DOP1A: variants seen among roughly 807,000 people sequenced by gnomAD.
DOP1A encodes the protein DOP1 leucine zipper like protein A.
In DOP1A, 90 loss-of-function variants were observed where a neutral mutation model predicts 267.6. The ratio of observed to expected loss-of-function variants is 0.34; its 90% CI spans 0.28 to 0.40. The LOEUF (loss-of-function observed/expected upper bound fraction) is 0.40. DOP1A is among the 10% of genes least tolerant of loss of function. DOP1A has a pLI of 1.00. For missense variants in DOP1A, 2,437 were observed against 2,900.4 expected (o/e 0.84, Z 3.67); for synonymous variants, 932 against 999.1 (o/e 0.93, Z 1.27).
chr6:83,168,954 C>A, downstream of DOP1A: 1 of 1,151,446 alleles, frequency 8.7e-7, no homozygotes, highest in Non-Finnish European at 1.1e-6. Flanking sequence ...GAATTGTTCC[C>A]CACATAAAAC....
rs751190606 is a variant in DOP1A at position 83,130,388 on chromosome 6, A to G, written c.2607A>G (p.Glu869=). 2 of 1,611,382 alleles carry G rather than the reference A, an allele frequency of 1.2e-6. No individual in the cohort carries two copies. The highest frequency in any genetic ancestry group is 1.7e-6 in the Non-Finnish European group (2 of 1,178,844). The change falls in exon 17 of 39, where the codon GAA becomes GAG. Residue 869 remains glutamate (E), a synonymous_variant. Coordinates refer to ENST00000349129, the MANE Select transcript of DOP1A (RefSeq NM_015018.4). ...GNLRYIAEKT[E]FFKHVALTLW... ...TGAGGTACATAGCTGAGAAGACTGA[A>G]TTTTTCAAGGTAAATTCTAAGAAAT...
chr6:83,168,320 CT>C lies in DOP1A; in HGVS notation c.*154del. ...AATATTTGTATATAAGAGCAAATGT[CT>C]GAATGTGGCCTGAATCAAGTTTAAA... On this transcript the variant is annotated 3_prime_UTR_variant, in exon 39 of 39. Coordinates refer to ENST00000349129, the MANE Select transcript of DOP1A (RefSeq NM_015018.4). 7.0e-7 allele frequency: 1 copy of C among 1,422,322 alleles called. No individual in the cohort carries two copies. The highest frequency in any genetic ancestry group is 2.5e-5 in the East Asian group (1 of 39,348). The allele number at this position is 1,422,322 out of a possible 1,614,324, so 88.1% of individuals were successfully genotyped here.
chr6:83,089,853 A>C (rs1414508372), intron 1 of DOP1A, among the ~76,000 whole-genome samples: 1 of 152,228 alleles, frequency 6.6e-6, no homozygotes, highest in Non-Finnish European at 1.5e-5. Flanking sequence ...TGTAGTGAAG[A>C]ATCTTGATTG....
At chr6:83,158,677 C>G (rs1463408897) in intron 36 of DOP1A, 55 bp downstream of exon 36, 1 of 1,181,008 alleles carries the variant, frequency 8.5e-7, no homozygotes, top group African/African-American at 1.5e-5. Flanking sequence ...TGAAATTATT[C>G]AGAATATTAC....
At chr6:83,155,860 G>A (rs1249694400) in intron 33 of DOP1A, 91 bp from the exon 34 acceptor site, 1 of 1,441,438 alleles carries the variant, frequency 6.9e-7, no homozygotes, top group Non-Finnish European at 9.3e-7. Context: ...CTCAGTTTTG[G>A]ATGTCATAGA....
At chr6:83,155,005 C>T (rs1215809436) in intron 33 of DOP1A, among the ~76,000 whole-genome samples, 3 of 152,068 alleles carry the variant, frequency 2.0e-5, no homozygotes, top group Admixed American at 6.6e-5. Context: ...CAGTGGGCCA[C>T]GCATTGCGCT....
intron 4 of DOP1A, among the ~76,000 whole-genome samples, chr6:83,106,619 G>A (rs191945913): frequency 6.6e-6 from 1 of 152,250 alleles, no homozygotes; most frequent in Admixed American, 6.5e-5. Context: ...AGACCAGACT[G>A]CCCAACATGG....
chr6:83,141,329 T>C (rs1779623518), intron 23 of DOP1A, among the ~76,000 whole-genome samples: 1 of 152,150 alleles, frequency 6.6e-6, no homozygotes, highest in Non-Finnish European at 1.5e-5. Context: ...GATAACTTAT[T>C]GATTTTTAAA....
At position 83,138,028 on chromosome 6, in the gene DOP1A, T is replaced by A. The variant is rs755091352; in HGVS notation, c.3986T>A (p.Leu1329Gln). 1 of 1,610,306 alleles carries A rather than the reference T, an allele frequency of 6.2e-7. No individual in the cohort carries two copies. Among genetic ancestry groups the A allele is most frequent in the African/African-American group, 1.3e-5 (1 of 74,652 alleles). Reference sequence around the variant, plus strand: ...ACCAGTGTATTCTTCAGTGATGGTCTGGATTTAGAGAACTGGTATAGCTGT... The same window carrying A: ...ACCAGTGTATTCTTCAGTGATGGTCAGGATTTAGAGAACTGGTATAGCTGT... ...KQTSVFFSDG[L>Q]DLENWYSCGE... Residue 1329 changes from leucine (L) to glutamine (Q), a missense_variant, in exon 21 of 39, where the codon CTG becomes CAG. Leu to Gln is a moderately radical substitution (Grantham distance 113). Around this residue, in one of 9 missense-constraint regions of DOP1A, gnomAD observed 878 missense variants for 992.9 expected, o/e 0.88. Coordinates refer to ENST00000349129, the MANE Select transcript of DOP1A (RefSeq NM_015018.4).
At chr6:83,087,403 C>T (rs1194477498) in intron 1 of DOP1A, among the ~76,000 whole-genome samples, 2 of 151,928 alleles carry the variant, frequency 1.3e-5, no homozygotes, top group South Asian at 4.1e-4. Context: ...TTTAGTTGCT[C>T]ATTTTCAGGC....
Position 83,079,406 on chromosome 6 carries a change from A to G in DOP1A, c.-147+11627A>G, listed in dbSNP as rs558188271. On this transcript the variant is annotated intron_variant, in intron 1 of 38. Coordinates refer to ENST00000349129, the MANE Select transcript of DOP1A (RefSeq NM_015018.4). The stretch of plus-strand genomic sequence containing the variant: ...CATGGGATTTTTTTTAATGGGAAAA[A>G]TTTGTTTCTACTGGCTGTGATTAAA... 4.0e-4 allele frequency among the ~76,000 whole-genome samples: 61 copies of G among 152,174 alleles called. 1 individual carries two copies. Among genetic ancestry groups the G allele is most frequent in the Admixed American group, 4.0e-3 (61 of 15,288 alleles).
In DOP1A at chr6:83,157,415, A is replaced by C. The variant is rs931749961; in HGVS notation, c.6741+97A>C. On this transcript the variant is annotated intron_variant, in intron 35 of 38. Coordinates refer to ENST00000349129, the MANE Select transcript of DOP1A (RefSeq NM_015018.4). ...TAGATATTAACGAATATTGGGAGAGAACTGAGCTGTAGTTAAACCAGTTAC... is the reference window on the plus strand; with the variant it reads ...TAGATATTAACGAATATTGGGAGAGCACTGAGCTGTAGTTAAACCAGTTAC... The C allele has an allele frequency of 1.5e-5, 20 of 1,310,274 alleles. 1 individual carries two copies. Among genetic ancestry groups the C allele is most frequent in the Admixed American group, 7.7e-5 (4 of 51,926 alleles). The allele number at this position is 1,310,274 out of a possible 1,614,324, so 81.2% of individuals were successfully genotyped here.
intron 4 of DOP1A, among the ~76,000 whole-genome samples, chr6:83,106,452 A>G (rs973770205): frequency 6.6e-6 from 1 of 152,182 alleles, no homozygotes; most frequent in Non-Finnish European, 1.5e-5. Context: ...AAGAGTATTT[A>G]GGAGTCTCAG....
intron 27 of DOP1A, among the ~76,000 whole-genome samples, chr6:83,150,055 G>C (rs969783999): frequency 4.6e-5 from 7 of 152,186 alleles, no homozygotes; most frequent in Admixed American, 1.3e-4. Context: ...AGTAAGTGTT[G>C]ATTCTTCTTT....
chr6:83,073,473 T>C (rs750550463), intron 1 of DOP1A, among the ~76,000 whole-genome samples: 6 of 152,192 alleles, frequency 3.9e-5, no homozygotes, highest in Non-Finnish European at 8.8e-5. Context: ...CTCAAAGCAC[T>C]GTTCCCCAAA....
intron 33 of DOP1A, among the ~76,000 whole-genome samples, chr6:83,154,946 GT>G (rs1455281151): frequency 6.6e-6 from 1 of 152,164 alleles, no homozygotes; most frequent in Non-Finnish European, 1.5e-5. Context: ...TCATAAGGTT[GT>G]TTTAAGGTTC....
At position 83,084,261 on chromosome 6, in the gene DOP1A, C is replaced by G. The variant is rs562100956; in HGVS notation, c.-146-12470C>G. ...ATACTTACTGTTGTGTTACAGTTAC[C>G]TACAGTATTCAATATATAACATGCT... On this transcript the variant is annotated intron_variant, in intron 1 of 38. Transcript: ENST00000349129. Among the ~76,000 whole-genome samples, 4 of 152,200 alleles carry G rather than the reference C, an allele frequency of 2.6e-5. No homozygotes were observed. The South Asian group carries it at 8.3e-4, about 32-fold the overall frequency.
intron 37 of DOP1A, among the ~76,000 whole-genome samples, chr6:83,160,705 ATTGTT>A (rs1784016327): frequency 6.6e-6 from 1 of 152,192 alleles, no homozygotes. Flanking sequence ...GCTATGTAAG[ATTGTT>A]TTATCAAAAT....
intron 20 of DOP1A, among the ~76,000 whole-genome samples, chr6:83,136,131 T>G (rs1778832529): frequency 6.6e-6 from 1 of 152,138 alleles, no homozygotes; most frequent in South Asian, 2.1e-4. Context: ...ATTAGAGACA[T>G]TCTTCAATTT....
Sources: gnomAD v4.1 joint callset for allele counts (sites outside exome capture counted in the v4.1 genomes callset) on GRCh38, gnomAD v4.1.1 for gene constraint, gnomAD v4.1.1 regional missense constraint, MANE v1.5 for transcripts, NCBI Gene and HGNC (gene_info 2026-07-23, HGNC 2026-07-21) for gene names.